The following ACER1 variants were observed in gnomAD, a reference collection of about 807,000 sequenced individuals.
The protein encoded by ACER1 is alkaline ceramidase 1.
A neutral mutation model predicts 24.9 loss-of-function variants in ACER1; 28 were observed. The observed-to-expected ratio is 1.13, with a 90% CI of 0.83 to 1.54. The LOEUF (loss-of-function observed/expected upper bound fraction) is 1.54, where lower values mean the gene tolerates loss of function less well. Among genes scored for constraint, ACER1 ranks in the 40% most tolerant of loss-of-function variants. The probability of loss-of-function intolerance (pLI) is 0.00; values close to 1 mark genes in which losing one functional copy is unlikely to be tolerated. For missense variants in ACER1, 352 were observed against 349.3 expected (o/e 1.01, Z -0.06); for synonymous variants, 132 against 131.4 (o/e 1.00, Z -0.03).
chr19:6,356,302 C>T, the ACER1 span, among the ~76,000 whole-genome samples: 1 of 148,924 alleles, frequency 6.7e-6, no homozygotes, highest in African/African-American at 2.5e-5. Context: ...TCACCACTCC[C>T]TAATCTCAAG....
intron 1 of ACER1, among the ~76,000 whole-genome samples, chr19:6,317,626 TA>T (rs1190476818): frequency 6.6e-6 from 1 of 152,234 alleles, no homozygotes; most frequent in Non-Finnish European, 1.5e-5. Context: ...AAGCATCCAT[TA>T]AAACGTGTCT....
At chr19:6,335,725 G>A (rs2091711579), upstream of ACER1, among the ~76,000 whole-genome samples, 1 of 151,702 alleles carries the variant, frequency 6.6e-6, no homozygotes, top group East Asian at 2.0e-4. Flanking sequence ...CAGCTACTCA[G>A]GAGGCTGAGG....
At chr19:6,314,875 T>A (rs1375390039) in intron 1 of ACER1, among the ~76,000 whole-genome samples, 5 of 107,218 alleles carry the variant, frequency 4.7e-5, no homozygotes, top group Non-Finnish European at 1.0e-4. Flanking sequence ...AATGGAATTT[T>A]ATTTATTTAT....
At chr19:6,316,133 A>G (rs2091602248) in intron 1 of ACER1, among the ~76,000 whole-genome samples, 1 of 152,032 alleles carries the variant, frequency 6.6e-6, no homozygotes, top group Non-Finnish European at 1.5e-5. Flanking sequence ...GTCTCAAAAA[A>G]AGAAAAAAGA....
At chr19:6,316,737 T>C (rs2091604917) in intron 1 of ACER1, among the ~76,000 whole-genome samples, 1 of 150,394 alleles carries the variant, frequency 6.6e-6, no homozygotes, top group Non-Finnish European at 1.5e-5. Flanking sequence ...GGACAATCGC[T>C]TGAATCCAGG....
At chr19:6,313,696 C>T (rs146623493) in intron 1 of ACER1, among the ~76,000 whole-genome samples, 12 of 152,288 alleles carry the variant, frequency 7.9e-5, no homozygotes, top group Non-Finnish European at 1.0e-4. Context: ...CAAGGAAAGA[C>T]GATGCAGTAC....
At chr19:6,334,145 C>T (rs1386982140), upstream of ACER1, among the ~76,000 whole-genome samples, 6 of 150,922 alleles carry the variant, frequency 4.0e-5, no homozygotes, top group South Asian at 2.1e-4. Context: ...CCCGTGTTCA[C>T]GCCATTCTCC....
At chr19:6,346,007 C>A in the ACER1 span, among the ~76,000 whole-genome samples, 9 of 152,012 alleles carry the variant, frequency 5.9e-5, no homozygotes, top group African/African-American at 2.2e-4. Context: ...GGATTCCAGG[C>A]GTGAGCCACT....
the ACER1 span, among the ~76,000 whole-genome samples, chr19:6,347,129 TATAA>T: frequency 6.4e-5 from 9 of 139,820 alleles, no homozygotes; most frequent in African/African-American, 2.3e-4. Context: ...TATATATATA[TATAA>T]AATAATAATA....
the ACER1 span, among the ~76,000 whole-genome samples, chr19:6,356,494 A>C: frequency 6.6e-6 from 1 of 152,040 alleles, no homozygotes; most frequent in Admixed American, 6.6e-5. Flanking sequence ...ATAAATAAAT[A>C]AATAAATAGA....
chr19:6,320,576 G>A (rs572286011), intron 1 of ACER1, among the ~76,000 whole-genome samples: 1 of 152,200 alleles, frequency 6.6e-6, no homozygotes, highest in East Asian at 1.9e-4. Context: ...GCCTCCCAAA[G>A]TGCTGGGATT....
chr19:6,349,588 T>C, the ACER1 span, among the ~76,000 whole-genome samples: 9 of 152,080 alleles, frequency 5.9e-5, no homozygotes, highest in African/African-American at 1.7e-4. Context: ...GTATTGAGCA[T>C]GGACAAAGCC....
intron 1 of ACER1, among the ~76,000 whole-genome samples, chr19:6,324,860 A>AAGGAAGG (rs2091651831): frequency 8.0e-5 from 8 of 100,286 alleles, no homozygotes; most frequent in Admixed American, 3.3e-4. Context: ...AGAGAGAGAG[A>AAGGAAGG]AAGGAAGGAA....
Position 6,315,508 on chromosome 19 carries a change from C to T in ACER1, c.94-3009G>A, listed in dbSNP as rs932555404. On this transcript the variant is annotated intron_variant, in intron 1 of 5. Coordinates refer to ENST00000301452, the MANE Select transcript of ACER1 (RefSeq NM_133492.3). ...CATTCTCCTGACTCAGCCTCCCCAG[C>T]AGCTGGGACTACAGGTGCACGCCGC... 5.9e-5 allele frequency among the ~76,000 whole-genome samples: 9 copies of T among 151,930 alleles called. No individual in the cohort carries two copies. The East Asian group carries it at 1.7e-3, about 29-fold the overall frequency.
intron 1 of ACER1, among the ~76,000 whole-genome samples, chr19:6,323,944 A>G (rs1356579853): frequency 6.6e-6 from 1 of 152,178 alleles, no homozygotes; most frequent in Admixed American, 6.5e-5. Context: ...AGCCAGCCTC[A>G]AGGAGACTCA....
intron 1 of ACER1, among the ~76,000 whole-genome samples, chr19:6,314,850 G>A (rs1272792716): frequency 6.6e-6 from 1 of 151,988 alleles, no homozygotes; most frequent in Non-Finnish European, 1.5e-5. Context: ...TAAAGAAGAT[G>A]TGGTATATAT....
At chr19:6,343,812 A>C in the ACER1 span, 1 of 152,134 alleles carries the variant, frequency 6.6e-6, no homozygotes, top group East Asian at 1.9e-4. Flanking sequence ...GAATCTTTAA[A>C]CCACAACAGG....
chr19:6,324,015 C>T (rs368021310), intron 1 of ACER1, among the ~76,000 whole-genome samples: 30 of 152,148 alleles, frequency 2.0e-4, no homozygotes, highest in African/African-American at 6.5e-4. Flanking sequence ...CCCTCCACCC[C>T]CTTCCGACTC....
rs376206009 is a variant in ACER1 at position 6,333,576 on chromosome 19, C to T, written c.-25G>A. ...TCTTGTCTCAGTGGCCACCACCAGC[C>T]GGCTGCGCCCGGCAGAGAGAAGGCG... On this transcript the variant is annotated 5_prime_UTR_variant, in exon 1 of 6. Transcript: ENST00000301452. 4.4e-4 allele frequency: 678 copies of T among 1,547,992 alleles called. 8 individuals carry two copies. The Admixed American group carries it at 7.6e-3, about 17-fold the overall frequency.
Sources: allele counts gnomAD v4.1 joint callset (sites outside exome capture counted in the v4.1 genomes callset), GRCh38; gene constraint gnomAD v4.1.1; transcripts MANE v1.5; gene names NCBI Gene and HGNC (gene_info 2026-07-23, HGNC 2026-07-21).